The following DIAPH3 variants were observed in gnomAD, a reference collection of about 807,000 sequenced individuals.
The protein encoded by DIAPH3 is diaphanous related formin 3.
In DIAPH3, 117 loss-of-function variants were observed where a neutral mutation model predicts 144.3. That is an observed-to-expected ratio of 0.81 (90% CI 0.70 to 0.95). The LOEUF is 0.95. Among genes scored for constraint, DIAPH3 ranks in the 40% least tolerant of loss-of-function variants. The pLI is 0.00. For synonymous variants in DIAPH3, 519 were observed against 488.9 expected, an observed-to-expected ratio of 1.06 and a Z score of -0.81; for missense variants, 1,421 against 1,412.7, an observed-to-expected ratio of 1.01 and a Z score of -0.09.
intron 21 of DIAPH3, among the ~76,000 whole-genome samples, chr13:59,862,526 T>A (rs529949619): frequency 1.6e-4 from 24 of 152,130 alleles, no homozygotes; most frequent in Non-Finnish European, 2.9e-5. Context: ...AATGAGACCA[T>A]GTGGGTGTGG....
At chr13:60,068,089 C>T (rs903549837) in intron 4 of DIAPH3, among the ~76,000 whole-genome samples, 1 of 152,108 alleles carries the variant, frequency 6.6e-6, no homozygotes, top group African/African-American at 2.4e-5. Flanking sequence ...TGCTTCATAA[C>T]ATGAATAGTC....
At chr13:59,692,413 C>T (rs1319583322) in intron 27 of DIAPH3, among the ~76,000 whole-genome samples, 9 of 150,556 alleles carry the variant, frequency 6.0e-5, no homozygotes, top group African/African-American at 1.2e-4. Context: ...CCCCCAACCC[C>T]CCCATCCCCC....
intron 5 of DIAPH3, among the ~76,000 whole-genome samples, chr13:60,019,062 G>T (rs531501546): frequency 1.3e-5 from 2 of 152,146 alleles, no homozygotes; most frequent in Admixed American, 1.3e-4. Flanking sequence ...AAAGATAGGG[G>T]TATGAATATC....
chr13:59,898,009 C>G lies in DIAPH3; in HGVS notation c.2367+13726G>C, dbSNP rs1322695394. On this transcript the variant is annotated intron_variant, in intron 20 of 27. Transcript: ENST00000400324. ...ATTAGCCAGGCATGGTGGCACATGC[C>G]TGTAATCCTAGTTACTCGGGAGGCT... Among the ~76,000 whole-genome samples the G allele has an allele frequency of 4.6e-5, 7 of 151,450 alleles. No homozygotes were observed. The East Asian group carries it at 9.8e-4, about 21-fold the overall frequency.
chr13:60,098,239 T>A (rs2058165967), intron 3 of DIAPH3, among the ~76,000 whole-genome samples: 1 of 151,762 alleles, frequency 6.6e-6, no homozygotes, highest in Non-Finnish European at 1.5e-5. Context: ...GATAAGAAAG[T>A]AAAGGAGGTA....
At chr13:60,117,149 T>A (rs900427083) in intron 2 of DIAPH3, among the ~76,000 whole-genome samples, 3 of 152,014 alleles carry the variant, frequency 2.0e-5, no homozygotes, top group Non-Finnish European at 1.5e-5. Context: ...TAATAAAATA[T>A]AATTATCACA....
chr13:59,830,043 C>T (rs984377820), intron 24 of DIAPH3, among the ~76,000 whole-genome samples: 2 of 151,836 alleles, frequency 1.3e-5, no homozygotes, highest in Non-Finnish European at 2.9e-5. Context: ...ATGGGGATTT[C>T]CAGAACAAGA....
intron 21 of DIAPH3, among the ~76,000 whole-genome samples, chr13:59,875,004 T>C (rs1444848180): frequency 6.6e-6 from 1 of 152,280 alleles, no homozygotes; most frequent in East Asian, 1.9e-4. Flanking sequence ...TTTAATATGG[T>C]GTTGAACTTT....
chr13:59,992,334 T>C, intron 10 of DIAPH3, 139 bp downstream of exon 10: 1 of 1,016,386 alleles, frequency 9.8e-7, no homozygotes, highest in Non-Finnish European at 1.5e-6. Flanking sequence ...AATCTTATCA[T>C]CTATATTTCA....
chr13:59,965,193 G>C (rs2049979698), intron 17 of DIAPH3, among the ~76,000 whole-genome samples: 1 of 152,014 alleles, frequency 6.6e-6, no homozygotes, highest in Non-Finnish European at 1.5e-5. Flanking sequence ...TTTTTAAGTG[G>C]ATAATCCATT....
intron 5 of DIAPH3, among the ~76,000 whole-genome samples, chr13:60,038,526 T>C (rs1013515198): frequency 6.6e-6 from 1 of 152,160 alleles, no homozygotes; most frequent in African/African-American, 2.4e-5. Flanking sequence ...ACTTATTAAA[T>C]GGAATAATGA....
At chr13:59,739,994 G>C (rs992719546) in intron 27 of DIAPH3, among the ~76,000 whole-genome samples, 1 of 152,124 alleles carries the variant, frequency 6.6e-6, no homozygotes, top group African/African-American at 2.4e-5. Context: ...GATGTGCCTA[G>C]GTTACATGCA....
At chr13:59,774,152 T>C in intron 27 of DIAPH3, 37 bp downstream of exon 27, 1 of 1,597,604 alleles carries the variant, frequency 6.3e-7, no homozygotes, top group South Asian at 1.1e-5. Flanking sequence ...TAAAAGTAGA[T>C]AAGAAGAATG....
At chr13:60,013,196 C>T in intron 7 of DIAPH3, 1 of 985,414 alleles carries the variant, frequency 1.0e-6, no homozygotes, top group Non-Finnish European at 1.2e-6. Flanking sequence ...AACTGAGGAT[C>T]AATGCCAGGT....
chr13:60,005,332 T>C (rs1421994632), intron 9 of DIAPH3, among the ~76,000 whole-genome samples: 2 of 152,196 alleles, frequency 1.3e-5, no homozygotes, highest in Non-Finnish European at 2.9e-5. Context: ...AGTAGATCAA[T>C]AGTTGTCTCA....
At chr13:59,877,345 T>C (rs2044697021) in intron 21 of DIAPH3, among the ~76,000 whole-genome samples, 1 of 152,056 alleles carries the variant, frequency 6.6e-6, no homozygotes, top group Admixed American at 6.6e-5. Flanking sequence ...CTCAGTTTGG[T>C]TTCCTCTGTT....
chr13:59,959,351 G>A (rs188288308), intron 17 of DIAPH3, among the ~76,000 whole-genome samples: 1 of 152,140 alleles, frequency 6.6e-6, no homozygotes, highest in Admixed American at 6.5e-5. Flanking sequence ...TTGTTCCACA[G>A]CCTCTGCTGC....
intron 8 of DIAPH3, 150 bp downstream of exon 8, chr13:60,010,383 C>T (rs1666902717): frequency 1.3e-5 from 10 of 743,474 alleles, no homozygotes; most frequent in Non-Finnish European, 2.0e-5. Context: ...AAATTTCCAG[C>T]CAATAAGAAA....
rs183132965 is a variant in DIAPH3, at chr13:59,842,297, A to G, written c.2738-2849T>C. On this transcript the variant is annotated intron_variant, in intron 22 of 27. Coordinates refer to ENST00000400324, the MANE Select transcript of DIAPH3 (RefSeq NM_001042517.2). ...ATACTTAAAATACTTAGTCTGCTCA[A>G]CCAATTTTATTATGCACACATGTCA... 2.8e-3 allele frequency among the ~76,000 whole-genome samples: 433 copies of G among 152,248 alleles called. 3 individuals are homozygous for G. The highest frequency in any genetic ancestry group is 0.01 in the African/African-American group (418 of 41,544).
Sources: gnomAD v4.1 joint callset for allele counts (sites outside exome capture counted in the v4.1 genomes callset) on GRCh38, gnomAD v4.1.1 for gene constraint, MANE v1.5 for transcripts, NCBI Gene and HGNC (gene_info 2026-07-23, HGNC 2026-07-21) for gene names.